IPPK: variants seen among roughly 807,000 people sequenced by gnomAD.
IPPK encodes inositol-pentakisphosphate 2-kinase.
A neutral mutation model predicts 64.6 loss-of-function variants in IPPK; 22 were observed. That is an observed-to-expected ratio of 0.34 (90% CI 0.24 to 0.49). IPPK has a LOEUF of 0.49. Among genes scored for constraint, IPPK ranks in the 20% least tolerant of loss-of-function variants. The probability of loss-of-function intolerance (pLI) is 0.99; values close to 1 mark genes in which losing one functional copy is unlikely to be tolerated. For missense variants in IPPK, 532 were observed against 630.7 expected (o/e 0.84, Z 1.68); for synonymous variants, 262 against 247.2 (o/e 1.06, Z -0.56).
intron 6 of IPPK, among the ~76,000 whole-genome samples, chr9:92,647,666 A>C (rs1852174549): frequency 6.6e-6 from 1 of 151,880 alleles, no homozygotes; most frequent in Admixed American, 6.6e-5. Context: ...TAAAAATGTC[A>C]GCAACTAGAT....
intron 2 of IPPK, among the ~76,000 whole-genome samples, chr9:92,656,783 T>A (rs1852382243): frequency 6.6e-6 from 1 of 152,296 alleles, no homozygotes; most frequent in African/African-American, 2.4e-5. Context: ...CTTGGGAAGG[T>A]AGCAGTCTGA....
At chr9:92,628,790 T>C (rs1008236583) in intron 11 of IPPK, among the ~76,000 whole-genome samples, 1 of 151,846 alleles carries the variant, frequency 6.6e-6, no homozygotes, top group Non-Finnish European at 1.5e-5. Flanking sequence ...GGGAGGAGAA[T>C]CGCTTGAACC....
chr9:92,637,866 G>A (rs1851970945), intron 9 of IPPK, 135 bp downstream of exon 9: 1 of 919,930 alleles, frequency 1.1e-6, no homozygotes, highest in East Asian at 2.8e-5. Context: ...CCCGTGCTGG[G>A]AGCCCTGGCG....
chr9:92,646,950 G>A (rs1852162112), intron 6 of IPPK, among the ~76,000 whole-genome samples: 2 of 152,042 alleles, frequency 1.3e-5, no homozygotes, highest in African/African-American at 4.8e-5. Flanking sequence ...CCAAGCACAG[G>A]GAAGGAAACA....
intron 12 of IPPK, chr9:92,616,656 T>C (rs1851446428): frequency 1.3e-5 from 2 of 152,624 alleles, no homozygotes; most frequent in East Asian, 1.9e-4. Flanking sequence ...TGTATTTTGC[T>C]TCTCAGGGCT....
chr9:92,657,364 A>C (rs1209482238), intron 2 of IPPK, among the ~76,000 whole-genome samples: 1 of 151,682 alleles, frequency 6.6e-6, no homozygotes, highest in Non-Finnish European at 1.5e-5. Context: ...AAAAAAAATA[A>C]AGCCCCCCTG....
chr9:92,619,766 G>A (rs553538610), intron 11 of IPPK: 35 of 597,120 alleles, frequency 5.9e-5, no homozygotes, highest in Non-Finnish European at 1.0e-4. Context: ...AGTGCCACGG[G>A]GCTGCTCAGA....
intron 6 of IPPK, among the ~76,000 whole-genome samples, chr9:92,647,597 C>A (rs554675767): frequency 1.3e-5 from 2 of 151,994 alleles, no homozygotes; most frequent in South Asian, 2.1e-4. Flanking sequence ...GTCCAACATG[C>A]GAAAATCATG....
rs931848190 is a variant in IPPK at position 92,635,342 on chromosome 9, T to A, written c.917-34A>T. The A allele has an allele frequency of 1.3e-6, 2 of 1,596,880 alleles. No individual in the cohort carries two copies. The highest frequency in any genetic ancestry group is 2.7e-5 in the African/African-American group (2 of 73,774). ...AACATCAGGGGAAAACGAGAGCATG[T>A]TGATTATCAAAGAACGTGGAGGGAG... On this transcript the variant is annotated intron_variant, in intron 9 of 12. Transcript: ENST00000287996. The surrounding 1 kb of genome is among the most constrained non-coding windows in gnomAD (Gnocchi z 4.4).
At chr9:92,631,144 A>G (rs1851835023) in intron 11 of IPPK, among the ~76,000 whole-genome samples, 1 of 151,936 alleles carries the variant, frequency 6.6e-6, no homozygotes, top group Non-Finnish European at 1.5e-5. Flanking sequence ...TCTCCTGAGC[A>G]CTGAAATGAA....
chr9:92,652,926 C>A (rs1852297276), intron 3 of IPPK, among the ~76,000 whole-genome samples: 1 of 152,200 alleles, frequency 6.6e-6, no homozygotes, highest in Non-Finnish European at 1.5e-5. Context: ...GGTGACCAGC[C>A]TCAAAGCCAG....
At chr9:92,617,176 A>T (rs1482905925) in intron 12 of IPPK, 1 of 152,246 alleles carries the variant, frequency 6.6e-6, no homozygotes, top group Non-Finnish European at 1.5e-5. Flanking sequence ...GTGTGCCTGC[A>T]GCTCATCCCA....
chr9:92,643,209 T>C (rs1324071602), intron 6 of IPPK, among the ~76,000 whole-genome samples: 3 of 152,240 alleles, frequency 2.0e-5, no homozygotes, highest in Non-Finnish European at 2.9e-5. Context: ...GAAGATAAGT[T>C]GGCATAACAT....
chr9:92,645,663 T>C (rs1587634636), intron 6 of IPPK, among the ~76,000 whole-genome samples: 1 of 152,082 alleles, frequency 6.6e-6, no homozygotes, highest in East Asian at 1.9e-4. Context: ...GATTCCTCCA[T>C]GGTTTCATTA....
intron 11 of IPPK, chr9:92,620,437 T>A (rs1851594494): frequency 6.6e-6 from 1 of 152,206 alleles, no homozygotes; most frequent in Admixed American, 6.5e-5. Context: ...AGGCACTCTC[T>A]CCTCTTCCTT....
rs921373130 is a variant in IPPK, at chr9:92,670,017, G to A, written c.-29C>T. Reference sequence around the variant, plus strand: ...CAGGCGCAGCCCTGGCGCCTCGCGGGCTAGGACTCGGGGACGCGAGCTGGG... The same window carrying A: ...CAGGCGCAGCCCTGGCGCCTCGCGGACTAGGACTCGGGGACGCGAGCTGGG... On this transcript the variant is annotated 5_prime_UTR_variant, in exon 1 of 13. Coordinates refer to ENST00000287996, the MANE Select transcript of IPPK (RefSeq NM_022755.6). 6.4e-7 allele frequency: 1 copy of A among 1,559,004 alleles called. No individual in the cohort carries two copies. Among genetic ancestry groups the A allele is most frequent in the African/African-American group, 1.4e-5 (1 of 71,996 alleles).
intron 11 of IPPK, among the ~76,000 whole-genome samples, chr9:92,629,892 G>A (rs995651805): frequency 2.0e-5 from 3 of 152,150 alleles, no homozygotes; most frequent in African/African-American, 7.2e-5. Context: ...AATAACAAGT[G>A]TTGCTGAAGA....
intron 11 of IPPK, among the ~76,000 whole-genome samples, chr9:92,621,896 C>T (rs939906966): frequency 1.3e-4 from 20 of 152,112 alleles, no homozygotes; most frequent in Admixed American, 1.3e-4. Flanking sequence ...AGGTCTAGGC[C>T]TCGACACCAA....
At chr9:92,633,722 G>A (rs1352370005) in intron 11 of IPPK, among the ~76,000 whole-genome samples, 1 of 152,236 alleles carries the variant, frequency 6.6e-6, no homozygotes, top group African/African-American at 2.4e-5. Context: ...CAAAGTGTCT[G>A]CAGTTACAGT....
Sources: allele counts gnomAD v4.1 joint callset (sites outside exome capture counted in the v4.1 genomes callset), GRCh38; gene constraint gnomAD v4.1.1; non-coding constraint Gnocchi (gnomAD v3.1); transcripts MANE v1.5; gene names NCBI Gene and HGNC (gene_info 2026-07-23, HGNC 2026-07-21).